DCAF17: variants seen among roughly 807,000 people sequenced by gnomAD.
DCAF17 encodes the protein DDB1- and CUL4-associated factor 17.
In DCAF17, 48 loss-of-function variants were observed where a neutral mutation model predicts 66.0. The observed-to-expected ratio is 0.73, with a 90% CI of 0.58 to 0.92. The LOEUF is 0.92. Ranked by LOEUF, DCAF17 falls within the 40% of genes least tolerant of loss-of-function variation. DCAF17 has a pLI of 0.00. For synonymous variants in DCAF17, 206 were observed against 214.6 expected (o/e 0.96, Z 0.35); for missense variants, 562 against 622.8 (o/e 0.90, Z 1.04).
At chr2:171,437,705 T>G (rs1024072485) in intron 2 of DCAF17, among the ~76,000 whole-genome samples, 2 of 152,234 alleles carry the variant, frequency 1.3e-5, no homozygotes, top group African/African-American at 4.8e-5. Flanking sequence ...AGCCTAGACT[T>G]ATTCATAATA....
chr2:171,448,545 A>G (rs555764158), intron 3 of DCAF17, 136 bp from the exon 4 acceptor site: 18 of 690,744 alleles, frequency 2.6e-5, no homozygotes, highest in Non-Finnish European at 4.0e-5. Context: ...TTAATTCTCT[A>G]GTTGGGCATT....
At chr2:171,451,668 C>G (rs1694960827) in intron 5 of DCAF17, among the ~76,000 whole-genome samples, 1 of 152,158 alleles carries the variant, frequency 6.6e-6, no homozygotes, top group Non-Finnish European at 1.5e-5. Context: ...CTCTGCCTCC[C>G]AGGTTCAAGC....
chr2:171,458,442 C>T lies in DCAF17; in HGVS notation c.803C>T (p.Ala268Val). 1.9e-6 allele frequency: 3 copies of T among 1,613,858 alleles called. No individual in the cohort carries two copies. The highest frequency in any genetic ancestry group is 2.5e-6 in the Non-Finnish European group (3 of 1,179,888). The change falls in exon 8 of 14, where the codon GCT becomes GTT. Residue 268 changes from alanine to valine, a missense_variant. Ala to Val is a moderately conservative substitution (Grantham distance 64). This residue lies in a region of DCAF17 where 348 missense variants were observed against 355.9 expected (regional missense o/e 0.98). Transcript: ENST00000375255. Reference protein sequence around the residue: ...WGGTTGTVGEAPFGIPCNIKI... With the variant: ...WGGTTGTVGEVPFGIPCNIKI... ...GGGACTACTGGAACTGTAGGAGAGG[C>T]TCCTTTTGGCATTCCTTGTAATATT...
rs772225477 is a variant in DCAF17, at chr2:171,468,922, G to A, written c.873G>A (p.Leu291=). ...MPPLLFEVSS[L]ENAFQIGGHP... is the part of the protein sequence containing the mutation. ...CACTGCTCTTTGAGGTGTCATCCCT[G>A]GAGAATGCTTTTCAGATTGGAGGCC... Residue 291 remains leucine, a synonymous_variant, in exon 9 of 14, where the codon CTG becomes CTA. Coordinates refer to ENST00000375255, the MANE Select transcript of DCAF17 (RefSeq NM_025000.4). The A allele has an allele frequency of 4.3e-6, 7 of 1,614,100 alleles. No homozygotes were observed. The highest frequency in any genetic ancestry group is 5.1e-6 in the Non-Finnish European group (6 of 1,179,988).
At chr2:171,450,402 A>C (rs1036950982) in intron 5 of DCAF17, among the ~76,000 whole-genome samples, 3 of 152,082 alleles carry the variant, frequency 2.0e-5, no homozygotes, top group Non-Finnish European at 4.4e-5. Flanking sequence ...TAATAAAAAT[A>C]TTTTAAAAAA....
intron 2 of DCAF17, 133 bp from the exon 3 acceptor site, chr2:171,443,390 A>G (rs1237399070): frequency 3.1e-6 from 2 of 647,910 alleles, no homozygotes; most frequent in African/African-American, 1.8e-5. Context: ...AAATATTAAT[A>G]TTTAGTTAAG....
chr2:171,481,891 G>A lies in DCAF17; in HGVS notation c.*777G>A. On this transcript the variant is annotated 3_prime_UTR_variant, in exon 14 of 14. Coordinates refer to ENST00000375255, the MANE Select transcript of DCAF17 (RefSeq NM_025000.4). ...TCTCACCATTCTACTCATTTAGTGA[G>A]TTTTCTGATCTTGTTTAGGCAATAT... is the stretch of plus-strand genomic sequence containing the variant. 2.2e-6 allele frequency: 1 copy of A among 453,982 alleles called. No homozygotes were observed. Among genetic ancestry groups the A allele is most frequent in the Non-Finnish European group, 4.4e-6 (1 of 226,752 alleles). 28.1% of individuals were successfully genotyped at this position (453,982 alleles called of 1,614,324 possible). A position where few individuals can be genotyped will look rare whatever the true frequency, so the allele number is the denominator to read the frequency against.
intron 3 of DCAF17, among the ~76,000 whole-genome samples, chr2:171,445,959 A>C (rs1694597781): frequency 6.6e-6 from 1 of 152,202 alleles, no homozygotes; most frequent in Non-Finnish European, 1.5e-5. Context: ...CTGGGATTAT[A>C]AGTGTGAGTC....
At chr2:171,454,904 T>A (rs1386356160) in intron 6 of DCAF17, among the ~76,000 whole-genome samples, 1 of 151,950 alleles carries the variant, frequency 6.6e-6, no homozygotes, top group East Asian at 1.9e-4. Flanking sequence ...AAGTTTGAAT[T>A]GCACAAGTCC....
intron 2 of DCAF17, 40 bp downstream of exon 2, chr2:171,435,226 T>C: frequency 7.0e-7 from 1 of 1,422,638 alleles, no homozygotes. Flanking sequence ...TTCACCTCAC[T>C]GTTGATCTTA....
At position 171,484,049 on chromosome 2, in the gene DCAF17, A is replaced by C. The variant is rs1334624207; in HGVS notation, c.*2935A>C. The C allele has an allele frequency of 2.2e-6, 1 of 453,930 alleles. No homozygotes were observed. The highest frequency in any genetic ancestry group is 4.4e-6 in the Non-Finnish European group (1 of 226,788). The allele number at this position is 453,930 out of a possible 1,614,324, so 28.1% of individuals were successfully genotyped here. On this transcript the variant is annotated 3_prime_UTR_variant, in exon 14 of 14. Transcript: ENST00000375255. ...TTTTGAACAAATTTGGGTAAGATACAAGTCACACATAAATTGACAGAAAAT... is the reference window on the plus strand; with the variant it reads ...TTTTGAACAAATTTGGGTAAGATACCAGTCACACATAAATTGACAGAAAAT...
At chr2:171,450,524 C>T (rs1017937381) in intron 5 of DCAF17, among the ~76,000 whole-genome samples, 1 of 151,744 alleles carries the variant, frequency 6.6e-6, no homozygotes, top group African/African-American at 2.4e-5. Context: ...AAATTTATAT[C>T]AAGAAACTTT....
chr2:171,471,173 T>G (rs1278492003), intron 9 of DCAF17, among the ~76,000 whole-genome samples: 2 of 152,252 alleles, frequency 1.3e-5, no homozygotes, highest in Non-Finnish European at 2.9e-5. Context: ...GCTGCCAAAT[T>G]CAGGGGAAGT....
At chr2:171,454,683 G>A (rs997669585) in intron 6 of DCAF17, among the ~76,000 whole-genome samples, 4 of 151,984 alleles carry the variant, frequency 2.6e-5, no homozygotes, top group African/African-American at 9.7e-5. Context: ...GGTCATTTGA[G>A]GTTAGGAGAT....
intron 2 of DCAF17, among the ~76,000 whole-genome samples, chr2:171,441,607 A>G (rs1238064621): frequency 1.3e-5 from 2 of 152,140 alleles, no homozygotes; most frequent in African/African-American, 4.8e-5. Context: ...TCCTAGGAAG[A>G]TAGCTCTCTG....
intron 6 of DCAF17, among the ~76,000 whole-genome samples, chr2:171,455,003 A>C (rs998372968): frequency 6.6e-6 from 1 of 151,018 alleles, no homozygotes; most frequent in Non-Finnish European, 1.5e-5. Flanking sequence ...TCAGGGGTAC[A>C]TGTGCATTAT....
chr2:171,461,075 A>G (rs189360107), intron 8 of DCAF17, among the ~76,000 whole-genome samples: 27 of 152,356 alleles, frequency 1.8e-4, no homozygotes, highest in African/African-American at 5.8e-4. Flanking sequence ...CTTAAGGTCT[A>G]TACAAATAGT....
At chr2:171,470,268 C>A (rs1009430218) in intron 9 of DCAF17, among the ~76,000 whole-genome samples, 2 of 152,158 alleles carry the variant, frequency 1.3e-5, no homozygotes, top group African/African-American at 4.8e-5. Context: ...AGTGATCCTC[C>A]CTCTTGATAT....
Position 171,484,134 on chromosome 2 carries a change from A to C in DCAF17, c.*3020A>C. The C allele has an allele frequency of 2.2e-6, 1 of 452,398 alleles. No individual in the cohort carries two copies. Among genetic ancestry groups the C allele is most frequent in the Non-Finnish European group, 4.4e-6 (1 of 226,412 alleles). 28.0% of individuals were successfully genotyped at this position (452,398 alleles called of 1,614,324 possible). ...AGGTACTTTCCCTTTGTTTGTGGTG[A>C]TAATCAGTATTAGTAGTTTTCATAT... is the stretch of plus-strand genomic sequence containing the variant. On this transcript the variant is annotated 3_prime_UTR_variant, in exon 14 of 14. Transcript: ENST00000375255.
Sources: gnomAD v4.1 joint callset for allele counts (sites outside exome capture counted in the v4.1 genomes callset) on GRCh38, gnomAD v4.1.1 for gene constraint, gnomAD v4.1.1 regional missense constraint, MANE v1.5 for transcripts, NCBI Gene and HGNC (gene_info 2026-07-23, HGNC 2026-07-21) for gene names.